The following TENM4 variants were observed in gnomAD, a reference collection of about 807,000 sequenced individuals.
TENM4 encodes teneurin transmembrane protein 4.
TENM4 carries 82 observed loss-of-function variants against 243.3 expected under a neutral mutation model. The ratio of observed to expected loss-of-function variants is 0.34; its 90% CI spans 0.28 to 0.40. The LOEUF is 0.40. TENM4 is among the 10% of genes least tolerant of loss of function. The pLI, the probability that TENM4 is intolerant of heterozygous loss-of-function variation, is 1.00. For synonymous variants in TENM4, 1,412 were observed against 1,456.3 expected, an observed-to-expected ratio of 0.97 and a Z score of 0.69; for missense variants, 3,138 against 3,673.3, an observed-to-expected ratio of 0.85 and a Z score of 3.77.
intron 3 of TENM4, among the ~76,000 whole-genome samples, chr11:79,162,096 T>C (rs1249556593): frequency 2.6e-5 from 4 of 152,190 alleles, no homozygotes; most frequent in African/African-American, 9.6e-5. Context: ...CTTGACGGGA[T>C]GGCCAAGTCT....
intron 3 of TENM4, among the ~76,000 whole-genome samples, chr11:79,201,774 A>G (rs1003869944): frequency 6.6e-6 from 1 of 152,162 alleles, no homozygotes; most frequent in Admixed American, 6.5e-5. Flanking sequence ...GGGTGAAGGG[A>G]AACCACTGTA....
intron 3 of TENM4, among the ~76,000 whole-genome samples, chr11:79,193,565 G>A (rs1198145728): frequency 2.0e-5 from 3 of 152,178 alleles, no homozygotes; most frequent in Non-Finnish European, 2.9e-5. Context: ...GCTGAGTGAC[G>A]AGTTGGGCTG....
intron 6 of TENM4, among the ~76,000 whole-genome samples, chr11:78,913,634 T>C (rs1043361287): frequency 1.4e-5 from 2 of 141,738 alleles, no homozygotes; most frequent in African/African-American, 2.7e-5. Context: ...TGTGTGAGTG[T>C]CGGGGGTGGA....
At chr11:78,766,217 T>A (rs544127418) in intron 18 of TENM4, among the ~76,000 whole-genome samples, 1 of 152,306 alleles carries the variant, frequency 6.6e-6, no homozygotes, top group East Asian at 1.9e-4. Context: ...CTTGTACTTT[T>A]AATCATTGTG....
At chr11:79,024,126 G>A (rs550838810) in intron 6 of TENM4, among the ~76,000 whole-genome samples, 1 of 150,680 alleles carries the variant, frequency 6.6e-6, no homozygotes, top group South Asian at 2.1e-4. Flanking sequence ...TGGGAAGGAC[G>A]AAGACAATGA....
chr11:78,667,475 A>G (rs1858185515), intron 32 of TENM4, among the ~76,000 whole-genome samples: 1 of 152,170 alleles, frequency 6.6e-6, no homozygotes. Context: ...CCTCTCTGCA[A>G]TGCCTTTCTC....
chr11:79,282,020 C>T (rs1395417866), intron 2 of TENM4, among the ~76,000 whole-genome samples: 1 of 152,208 alleles, frequency 6.6e-6, no homozygotes, highest in Non-Finnish European at 1.5e-5. Flanking sequence ...TTTCATGATT[C>T]CATGTGGATC....
At chr11:79,415,568 G>C (rs1387823381) in intron 1 of TENM4, among the ~76,000 whole-genome samples, 2 of 152,168 alleles carry the variant, frequency 1.3e-5, no homozygotes, top group Non-Finnish European at 2.9e-5. Flanking sequence ...GCAGCTCAGA[G>C]AGCTTAAGTA....
intron 4 of TENM4, among the ~76,000 whole-genome samples, chr11:79,094,858 T>G (rs1861042266): frequency 6.6e-6 from 1 of 152,158 alleles, no homozygotes; most frequent in South Asian, 2.1e-4. Context: ...TGGGGCCTGA[T>G]TTACGAGGCT....
At chr11:79,299,168 C>G (rs1234172243) in intron 1 of TENM4, among the ~76,000 whole-genome samples, 1 of 152,122 alleles carries the variant, frequency 6.6e-6, no homozygotes. Flanking sequence ...ATGTACTATG[C>G]CAACTCCCAG....
chr11:79,047,275 G>A (rs1467910070), intron 6 of TENM4, among the ~76,000 whole-genome samples: 1 of 152,064 alleles, frequency 6.6e-6, no homozygotes, highest in Non-Finnish European at 1.5e-5. Context: ...GGGATGACGA[G>A]GTCACCCATC....
At chr11:79,038,893 T>C (rs1044457632) in intron 6 of TENM4, among the ~76,000 whole-genome samples, 1 of 151,916 alleles carries the variant, frequency 6.6e-6, no homozygotes, top group African/African-American at 2.4e-5. Flanking sequence ...TGCTTTCAGG[T>C]GTCACAATGG....
intron 4 of TENM4, among the ~76,000 whole-genome samples, chr11:79,148,042 A>C (rs1862424869): frequency 6.6e-6 from 1 of 152,080 alleles, no homozygotes; most frequent in African/African-American, 2.4e-5. Context: ...TGAAAACACA[A>C]CAAGAGTAGA....
At chr11:79,330,750 G>C (rs1857048829) in intron 1 of TENM4, among the ~76,000 whole-genome samples, 1 of 152,156 alleles carries the variant, frequency 6.6e-6, no homozygotes, top group African/African-American at 2.4e-5. Context: ...AGGAGGTTCG[G>C]AGCCATTAAG....
chr11:79,316,024 T>C (rs10793376), intron 1 of TENM4, among the ~76,000 whole-genome samples: 11,895 of 152,244 alleles, frequency 0.078, 625 homozygotes, highest in East Asian at 0.23. Flanking sequence ...ATGAGTGTTC[T>C]AAGCAGAACC....
At chr11:78,889,702 AG>A in intron 9 of TENM4, 82 bp downstream of exon 9, 13 of 1,405,102 alleles carry the variant, frequency 9.3e-6, no homozygotes, top group Non-Finnish European at 1.3e-5. Context: ...GCTAGTAAGG[AG>A]CCTTCAGTGC....
chr11:78,765,181 G>A (rs1336903640), intron 18 of TENM4, among the ~76,000 whole-genome samples: 1 of 152,174 alleles, frequency 6.6e-6, no homozygotes. Flanking sequence ...GGTGGAAGGT[G>A]GAATGTGTCT....
chr11:78,995,922 G>A (rs1858162146), intron 6 of TENM4, among the ~76,000 whole-genome samples: 2 of 152,122 alleles, frequency 1.3e-5, no homozygotes, highest in African/African-American at 4.8e-5. Context: ...CTGAATTGCA[G>A]TAAGACTCAT....
At chr11:79,336,760 C>A (rs954157628) in intron 1 of TENM4, among the ~76,000 whole-genome samples, 10 of 152,226 alleles carry the variant, frequency 6.6e-5, no homozygotes, top group African/African-American at 2.4e-4. Flanking sequence ...ACCCCCCTGC[C>A]CTTTTTCTAG....
Sources: gnomAD v4.1 joint callset for allele counts (sites outside exome capture counted in the v4.1 genomes callset) on GRCh38, gnomAD v4.1.1 for gene constraint, MANE v1.5 for transcripts, NCBI Gene and HGNC (gene_info 2026-07-23, HGNC 2026-07-21) for gene names.